ESRRG: variants seen among roughly 807,000 people sequenced by gnomAD.
The protein encoded by ESRRG is estrogen related receptor gamma.
ESRRG carries 13 observed loss-of-function variants against 44.0 expected under a neutral mutation model. The ratio of observed to expected loss-of-function variants is 0.30; its 90% CI spans 0.19 to 0.47. ESRRG has a LOEUF of 0.47. ESRRG is among the 20% of genes least tolerant of loss of function. The pLI, the probability that ESRRG is intolerant of heterozygous loss-of-function variation, is 1.00. For synonymous variants in ESRRG, 215 were observed against 214.6 expected, an observed-to-expected ratio of 1.00 and a Z score of -0.02; for missense variants, 395 against 580.6, an observed-to-expected ratio of 0.68 and a Z score of 3.29.
intron 3 of ESRRG, among the ~76,000 whole-genome samples, chr1:216,594,911 C>G (rs1178026428): frequency 6.6e-6 from 1 of 152,116 alleles, no homozygotes; most frequent in Non-Finnish European, 1.5e-5. Flanking sequence ...TCAGTAGTAC[C>G]TTGGTAGGGA....
At chr1:217,069,518 T>C (rs2090281687) in intron 1 of ESRRG, among the ~76,000 whole-genome samples, 1 of 151,944 alleles carries the variant, frequency 6.6e-6, no homozygotes, top group Admixed American at 6.6e-5. Flanking sequence ...CTTAAGAAGG[T>C]TGCCTAACCT....
intron 2 of ESRRG, among the ~76,000 whole-genome samples, chr1:216,907,675 A>G (rs1306592359): frequency 6.6e-6 from 1 of 152,202 alleles, no homozygotes; most frequent in Non-Finnish European, 1.5e-5. Context: ...TGCAAAATAG[A>G]ATATACCAGG....
rs183619811 is a variant in ESRRG, at chr1:216,931,943, C to T, written c.-14+7639G>A. ...AAATAAGGCCAGGTGCGGTGGCTCA[C>T]GCCTGTAATCCCAGCACTTTGGGAG... On this transcript the variant is annotated intron_variant, in intron 2 of 7. Coordinates refer to the ESRRG transcript ENST00000359162. Among the ~76,000 whole-genome samples the T allele has an allele frequency of 1.6e-4, 24 of 152,116 alleles. No homozygotes were observed. The East Asian group carries it at 3.1e-3, about 20-fold the overall frequency.
intron 1 of ESRRG, among the ~76,000 whole-genome samples, chr1:217,039,463 C>T (rs529311727): frequency 5.8e-4 from 88 of 152,298 alleles, no homozygotes; most frequent in African/African-American, 2.0e-3. Flanking sequence ...GAGCAAGTCA[C>T]ATCTTATGTG....
At chr1:217,045,313 T>A (rs2151174735) in intron 1 of ESRRG, among the ~76,000 whole-genome samples, 1 of 151,944 alleles carries the variant, frequency 6.6e-6, no homozygotes, top group South Asian at 2.1e-4. Context: ...TAAGACCAGG[T>A]CAAAGGAAGT....
chr1:216,813,863 AC>A (rs1160991850), intron 2 of ESRRG, among the ~76,000 whole-genome samples: 1 of 151,914 alleles, frequency 6.6e-6, no homozygotes, highest in Non-Finnish European at 1.5e-5. Flanking sequence ...AATTCTTACC[AC>A]TCTTGTGAAT....
At chr1:216,784,286 T>G (rs2094042802) in intron 2 of ESRRG, among the ~76,000 whole-genome samples, 2 of 152,078 alleles carry the variant, frequency 1.3e-5, no homozygotes, top group African/African-American at 4.8e-5. Context: ...TATAGTTAAT[T>G]GTTGTCAAGA....
intron 5 of ESRRG, among the ~76,000 whole-genome samples, chr1:216,558,761 A>G (rs1013425940): frequency 2.0e-5 from 3 of 152,132 alleles, no homozygotes; most frequent in African/African-American, 7.2e-5. Flanking sequence ...GAATCATTCG[A>G]CCCTTATTAA....
At chr1:217,136,051 G>T (rs1013420315) in intron 1 of ESRRG, among the ~76,000 whole-genome samples, 7 of 152,128 alleles carry the variant, frequency 4.6e-5, no homozygotes, top group Admixed American at 6.5e-5. Flanking sequence ...GCGGAAGGGG[G>T]TAAGAATCTC....
chr1:216,898,297 T>C (rs2058657922), intron 2 of ESRRG, among the ~76,000 whole-genome samples: 1 of 152,096 alleles, frequency 6.6e-6, no homozygotes, highest in South Asian at 2.1e-4. Flanking sequence ...TCATATACCA[T>C]TACCCTTAAG....
intron 2 of ESRRG, among the ~76,000 whole-genome samples, chr1:216,847,007 AC>A (rs1559853010): frequency 2.6e-5 from 4 of 152,150 alleles, no homozygotes; most frequent in Admixed American, 1.3e-4. Flanking sequence ...TGATAACTCA[AC>A]ATTCCTTCCA....
chr1:216,636,569 G>C (rs1055739624), intron 3 of ESRRG, among the ~76,000 whole-genome samples: 8 of 152,268 alleles, frequency 5.3e-5, no homozygotes, highest in African/African-American at 1.9e-4. Context: ...TCCCAGGACT[G>C]TTTAAGAGTT....
At chr1:217,072,710 G>GT (rs147652196) in intron 1 of ESRRG, among the ~76,000 whole-genome samples, 47,683 of 151,614 alleles carry the variant, frequency 0.31, 8,000 homozygotes, top group East Asian at 0.68. Flanking sequence ...GGGTGTGTGT[G>GT]TTTTTTCTCC....
chr1:217,094,076 G>T (rs1350188463), upstream of ESRRG, among the ~76,000 whole-genome samples: 3 of 151,850 alleles, frequency 2.0e-5, no homozygotes, highest in Admixed American at 6.6e-5. Flanking sequence ...GTAGAGATGA[G>T]GCCTCGCTAT....
intron 2 of ESRRG, among the ~76,000 whole-genome samples, chr1:216,895,828 T>C (rs914650946): frequency 6.6e-6 from 1 of 152,170 alleles, no homozygotes; most frequent in Non-Finnish European, 1.5e-5. Context: ...TTTTAATAAC[T>C]TAACAAGTGG....
intron 2 of ESRRG, among the ~76,000 whole-genome samples, chr1:216,916,407 C>T (rs2061171163): frequency 6.6e-6 from 1 of 152,198 alleles, no homozygotes; most frequent in South Asian, 2.1e-4. Flanking sequence ...ACTTTACAAA[C>T]TCCCAAGTGA....
chr1:216,948,005 C>T (rs1193208703), intron 1 of ESRRG, among the ~76,000 whole-genome samples: 1 of 151,986 alleles, frequency 6.6e-6, no homozygotes, highest in African/African-American at 2.4e-5. Context: ...CAGAAAGCCA[C>T]AAGATAGAAG....
rs186282331 is a variant in ESRRG, at chr1:216,788,240, A to G, written c.-13-110749T>C. Reference sequence around the variant, plus strand: ...CCATCTAGGACTTTTATAGCCAGGAAGGAGAAGTCAATTCCTGACTTCAAA... The same window carrying G: ...CCATCTAGGACTTTTATAGCCAGGAGGGAGAAGTCAATTCCTGACTTCAAA... On this transcript the variant is annotated intron_variant, in intron 2 of 7. Transcript: ENST00000359162. 1.2e-3 allele frequency among the ~76,000 whole-genome samples: 182 copies of G among 152,306 alleles called. 1 individual carries two copies. Among genetic ancestry groups the G allele is most frequent in the Admixed American group, 3.7e-3 (56 of 15,290 alleles).
chr1:216,951,086 T>A (rs772888225), intron 1 of ESRRG, among the ~76,000 whole-genome samples: 21 of 152,184 alleles, frequency 1.4e-4, no homozygotes, highest in Non-Finnish European at 2.8e-4. Context: ...ATCACTTGTA[T>A]CCACTATTTA....
Sources: allele counts gnomAD v4.1 joint callset (sites outside exome capture counted in the v4.1 genomes callset), GRCh38; gene constraint gnomAD v4.1.1; transcripts MANE v1.5; gene names NCBI Gene and HGNC (gene_info 2026-07-23, HGNC 2026-07-21).